XPR1: variants seen among roughly 807,000 people sequenced by gnomAD.
The protein encoded by XPR1 is xenotropic and polytropic retrovirus receptor 1.
XPR1 carries 28 observed loss-of-function variants against 87.5 expected under a neutral mutation model. The ratio of observed to expected loss-of-function variants is 0.32; its 90% CI spans 0.24 to 0.44. XPR1 has a LOEUF of 0.44. Among genes scored for constraint, XPR1 ranks in the 20% least tolerant of loss-of-function variants. The pLI, the probability that XPR1 is intolerant of heterozygous loss-of-function variation, is 1.00. For missense variants in XPR1, 559 were observed against 862.3 expected (o/e 0.65, Z 4.41); for synonymous variants, 300 against 306.1 (o/e 0.98, Z 0.21).
At chr1:180,684,150 G>A (rs1171719266) in intron 2 of XPR1, among the ~76,000 whole-genome samples, 1 of 152,160 alleles carries the variant, frequency 6.6e-6, no homozygotes, top group African/African-American at 2.4e-5. Flanking sequence ...TCTATAAGGT[G>A]TAAGGAAGGG....
At chr1:180,800,356 A>G (rs970778209) in intron 3 of XPR1, among the ~76,000 whole-genome samples, 3 of 152,242 alleles carry the variant, frequency 2.0e-5, no homozygotes, top group Admixed American at 1.3e-4. Context: ...TGAAATGAGC[A>G]AGTTTCTCCA....
intron 12 of XPR1, among the ~76,000 whole-genome samples, chr1:180,864,302 G>A (rs1652314142): frequency 6.6e-6 from 1 of 152,106 alleles, no homozygotes; most frequent in Non-Finnish European, 1.5e-5. Flanking sequence ...TCTCCAAGAA[G>A]CCTTTCTTTA....
chr1:180,690,637 T>C (rs1038931419), intron 2 of XPR1, among the ~76,000 whole-genome samples: 4 of 152,012 alleles, frequency 2.6e-5, no homozygotes, highest in African/African-American at 9.7e-5. Flanking sequence ...TCACTTTATA[T>C]TGCTTCACTG....
chr1:180,685,874 C>G (rs1467537754), intron 2 of XPR1, among the ~76,000 whole-genome samples: 1 of 152,028 alleles, frequency 6.6e-6, no homozygotes, highest in Non-Finnish European at 1.5e-5. Context: ...TGATTCTTCT[C>G]TCTTTTCTTC....
intron 2 of XPR1, among the ~76,000 whole-genome samples, chr1:180,697,442 C>G (rs1657207622): frequency 6.6e-6 from 1 of 151,292 alleles, no homozygotes; most frequent in Non-Finnish European, 1.5e-5. Flanking sequence ...TTTTTAGTCT[C>G]TATTTTTGTT....
chr1:180,632,340 C>G, intron 1 of XPR1, 70 bp downstream of exon 1: 1 of 1,543,154 alleles, frequency 6.5e-7, no homozygotes, highest in Non-Finnish European at 8.8e-7. Context: ...CGTCCACCGC[C>G]GCCTTCCGCT....
chr1:180,676,467 T>G (rs542531893), intron 1 of XPR1, among the ~76,000 whole-genome samples: 12 of 152,332 alleles, frequency 7.9e-5, no homozygotes, highest in African/African-American at 2.6e-4. Context: ...ATTTTTCTGG[T>G]ACTTTTTTTG....
chr1:180,744,335 A>G (rs934887111), intron 2 of XPR1, among the ~76,000 whole-genome samples: 3 of 152,064 alleles, frequency 2.0e-5, no homozygotes, highest in African/African-American at 7.2e-5. Flanking sequence ...TTTTTAATTT[A>G]GAATTTATTT....
Position 180,635,843 on chromosome 1 carries a change from G to A in XPR1, c.69+3573G>A, listed in dbSNP as rs564656307. Among the ~76,000 whole-genome samples the A allele has an allele frequency of 1.7e-4, 26 of 152,184 alleles. 1 individual carries two copies. The highest frequency in any genetic ancestry group is 5.8e-4 in the African/African-American group (24 of 41,528). On this transcript the variant is annotated intron_variant, in intron 1 of 14. Coordinates refer to ENST00000367590, the MANE Select transcript of XPR1 (RefSeq NM_004736.4). Reference sequence around the variant, plus strand: ...CTTGATTTCTAAGCTCACAACCCCCGTATTATTTAAGGACTCATCCAGCTC... The same window carrying A: ...CTTGATTTCTAAGCTCACAACCCCCATATTATTTAAGGACTCATCCAGCTC...
At chr1:180,859,834 G>C (rs1208744764) in intron 11 of XPR1, among the ~76,000 whole-genome samples, 1 of 151,984 alleles carries the variant, frequency 6.6e-6, no homozygotes, top group Non-Finnish European at 1.5e-5. Context: ...ACTTTTAAAT[G>C]GTTTTTAATC....
At chr1:180,743,207 A>AT (rs1658976519) in intron 2 of XPR1, among the ~76,000 whole-genome samples, 1 of 131,288 alleles carries the variant, frequency 7.6e-6, no homozygotes, top group African/African-American at 3.0e-5. Context: ...TTTTCTGTTC[A>AT]TTTTCCCTTT....
At chr1:180,720,538 G>A (rs187745558) in intron 2 of XPR1, among the ~76,000 whole-genome samples, 27 of 152,216 alleles carry the variant, frequency 1.8e-4, no homozygotes, top group Middle Eastern at 6.8e-3. Flanking sequence ...TAGAGATATG[G>A]TTTTATATGG....
chr1:180,702,364 G>C (rs1324633846), intron 2 of XPR1, among the ~76,000 whole-genome samples: 4 of 145,576 alleles, frequency 2.7e-5, no homozygotes, highest in African/African-American at 1.0e-4. Context: ...CAACTATGTG[G>C]TCAATTTTGG....
chr1:180,846,219 G>A (rs149599971), intron 11 of XPR1, among the ~76,000 whole-genome samples: 4,488 of 146,612 alleles, frequency 0.031, 232 homozygotes, highest in African/African-American at 0.11. Flanking sequence ...CTGAGATCAC[G>A]CCACTGCGCT....
chr1:180,838,151 G>C (rs1347869177), intron 11 of XPR1, among the ~76,000 whole-genome samples: 1 of 152,140 alleles, frequency 6.6e-6, no homozygotes, highest in African/African-American at 2.4e-5. Context: ...GGTATGTCAT[G>C]TGTATTATAT....
intron 2 of XPR1, among the ~76,000 whole-genome samples, chr1:180,730,829 A>AT (rs35510210): frequency 0.46 from 69,114 of 149,566 alleles, 16,257 homozygotes; most frequent in Non-Finnish European, 0.49. Flanking sequence ...TGCCCAGCTA[A>AT]TTTTTTTTTT....
At chr1:180,775,716 T>C (rs964268807) in intron 2 of XPR1, among the ~76,000 whole-genome samples, 1 of 152,166 alleles carries the variant, frequency 6.6e-6, no homozygotes, top group Non-Finnish European at 1.5e-5. Flanking sequence ...ATAAAAGGCC[T>C]TCAGTTAAAA....
At chr1:180,676,270 C>T (rs554199641) in intron 1 of XPR1, among the ~76,000 whole-genome samples, 33 of 152,274 alleles carry the variant, frequency 2.2e-4, no homozygotes, top group African/African-American at 7.9e-4. Context: ...GTGTATAAGT[C>T]ACTGCAAGTC....
At chr1:180,651,198 TCTC>T (rs796237756) in intron 1 of XPR1, among the ~76,000 whole-genome samples, 14 of 152,030 alleles carry the variant, frequency 9.2e-5, no homozygotes, top group African/African-American at 2.7e-4. Flanking sequence ...TTCAAGCAAT[TCTC>T]CTGCCTCAGC....
Sources: allele counts gnomAD v4.1 joint callset (sites outside exome capture counted in the v4.1 genomes callset), GRCh38; gene constraint gnomAD v4.1.1; transcripts MANE v1.5; gene names NCBI Gene and HGNC (gene_info 2026-07-23, HGNC 2026-07-21).